MRTFA: variants seen among roughly 807,000 people sequenced by gnomAD.
MRTFA encodes the protein myocardin related transcription factor A, also known as myocardin-related transcription factor A.
MRTFA carries 20 observed loss-of-function variants against 83.5 expected under a neutral mutation model. The observed-to-expected ratio is 0.24, with a 90% confidence interval of 0.17 to 0.35. The LOEUF is 0.35. Among genes scored for constraint, MRTFA ranks in the 10% least tolerant of loss-of-function variants. MRTFA has a pLI of 1.00. For missense variants in MRTFA, 1,200 were observed against 1,224.7 expected (o/e 0.98, Z 0.30); for synonymous variants, 659 against 541.2 (o/e 1.22, Z -3.02).
intron 1 of MRTFA, among the ~76,000 whole-genome samples, chr22:40,629,170 G>A (rs559826516): frequency 2.6e-5 from 4 of 151,856 alleles, no homozygotes; most frequent in Non-Finnish European, 5.9e-5. Flanking sequence ...GAGGCTGGGC[G>A]CGGTGGCTCA....
chr22:40,582,663 C>CAT (rs1217189378), intron 2 of MRTFA, among the ~76,000 whole-genome samples: 2 of 142,464 alleles, frequency 1.4e-5, no homozygotes, highest in African/African-American at 5.5e-5. Flanking sequence ...TTTATACACA[C>CAT]ATACACACAC....
In MRTFA at chr22:40,410,921, G is replaced by GCAGA. The variant is rs1301236853; in HGVS notation, c.*465_*468dup. 1 of 233,216 alleles carries GCAGA rather than the reference G, an allele frequency of 4.3e-6. No homozygotes were observed. The highest frequency in any genetic ancestry group is 2.2e-5 in the African/African-American group (1 of 45,332). 14.4% of individuals were successfully genotyped at this position (233,216 alleles called of 1,614,324 possible). ...AGGGAGCCCTGGGATCCTGGGGTTG[G>GCAGA]CAGACACAGGGAATAGGGGGTAGAG... On this transcript the variant is annotated 3_prime_UTR_variant, in exon 15 of 15. Transcript: ENST00000355630.
In MRTFA at chr22:40,419,085, G is replaced by GA; in HGVS notation, c.1652_1653insT (p.Val553ArgfsTer16). 1.2e-6 allele frequency: 2 copies of GA among 1,604,012 alleles called. No individual in the cohort carries two copies. The highest frequency in any genetic ancestry group is 1.7e-4 in the Middle Eastern group (1 of 6,050). On this transcript the variant is annotated frameshift_variant, in exon 12 of 15. Transcript: ENST00000355630. LOFTEE classifies it high-confidence loss of function. ...GCTCCGAGGGGGTGGGAGACACGGG[G>GA]GGCGTGGAGCCCGTGCTGCCAAACT... is the stretch of plus-strand genomic sequence containing the variant.
At chr22:40,539,146 C>A (rs2055243796) in intron 3 of MRTFA, among the ~76,000 whole-genome samples, 1 of 150,576 alleles carries the variant, frequency 6.6e-6, no homozygotes, top group Non-Finnish European at 1.5e-5. Flanking sequence ...AGTCGCCCAC[C>A]ACCACACCTG....
intron 1 of MRTFA, among the ~76,000 whole-genome samples, chr22:40,604,030 A>G (rs1009875043): frequency 1.3e-5 from 2 of 152,040 alleles, no homozygotes; most frequent in Admixed American, 1.3e-4. Context: ...AAATTTTACT[A>G]ATGTCATGAT....
At chr22:40,619,386 G>A (rs1330259545) in intron 1 of MRTFA, among the ~76,000 whole-genome samples, 4 of 152,180 alleles carry the variant, frequency 2.6e-5, no homozygotes, top group South Asian at 2.1e-4. Context: ...TGAGGAACAC[G>A]TTATTGGAAA....
At chr22:40,457,436 G>GAAAGAAAGAAAGAA (rs774183094) in intron 4 of MRTFA, among the ~76,000 whole-genome samples, 11 of 119,884 alleles carry the variant, frequency 9.2e-5, no homozygotes, top group African/African-American at 3.2e-4. Context: ...AAGAAAGAAA[G>GAAAGAAAGAAAGAA]AGAAAGAAAG....
chr22:40,570,577 CAAAAA>C (rs894548892), intron 2 of MRTFA, among the ~76,000 whole-genome samples: 6 of 23,150 alleles, frequency 2.6e-4, no homozygotes, highest in Non-Finnish European at 3.7e-4. Context: ...GACTCTGTCT[CAAAAA>C]AAAAAAAAAA....
intron 3 of MRTFA, among the ~76,000 whole-genome samples, chr22:40,514,864 G>C (rs2054730617): frequency 6.6e-6 from 1 of 151,150 alleles, no homozygotes; most frequent in Non-Finnish European, 1.5e-5. Flanking sequence ...GAAGGACCTG[G>C]ACACAGAATG....
At chr22:40,608,612 G>A (rs1489977022) in intron 1 of MRTFA, among the ~76,000 whole-genome samples, 2 of 152,156 alleles carry the variant, frequency 1.3e-5, no homozygotes, top group African/African-American at 2.4e-5. Flanking sequence ...CCTCAGGTCT[G>A]TTTGATGCCA....
intron 2 of MRTFA, among the ~76,000 whole-genome samples, chr22:40,568,977 T>C (rs1290982634): frequency 6.6e-6 from 1 of 152,100 alleles, no homozygotes; most frequent in African/African-American, 2.4e-5. Context: ...ATACTAGTGA[T>C]CCATATTAAA....
At chr22:40,628,834 G>A (rs2056609281) in intron 1 of MRTFA, among the ~76,000 whole-genome samples, 1 of 152,102 alleles carries the variant, frequency 6.6e-6, no homozygotes, top group African/African-American at 2.4e-5. Context: ...TAAACAATGA[G>A]AGAACTGGAC....
chr22:40,462,880 C>G (rs1020716166), intron 4 of MRTFA, among the ~76,000 whole-genome samples: 28 of 152,188 alleles, frequency 1.8e-4, no homozygotes, highest in African/African-American at 6.8e-4. Context: ...CACAATACAC[C>G]AGGCTCAAGA....
intron 2 of MRTFA, among the ~76,000 whole-genome samples, chr22:40,558,294 T>C (rs1290531347): frequency 8.2e-6 from 1 of 121,650 alleles, no homozygotes; most frequent in Non-Finnish European, 1.7e-5. Context: ...TGGGGAGATA[T>C]GAGGTTTTTG....
intron 2 of MRTFA, among the ~76,000 whole-genome samples, chr22:40,582,945 A>G (rs113912219): frequency 1.6e-4 from 24 of 152,338 alleles, no homozygotes; most frequent in African/African-American, 5.5e-4. Flanking sequence ...CAGTGCCCTC[A>G]GGTACTGCAA....
At chr22:40,420,729 A>T in intron 10 of MRTFA, 118 bp downstream of exon 10, 1 of 1,548,748 alleles carries the variant, frequency 6.5e-7, no homozygotes, top group Non-Finnish European at 8.7e-7. Context: ...ACCACTCTGT[A>T]GCATCCAGAC....
chr22:40,443,216 C>T (rs1300993269), intron 4 of MRTFA, among the ~76,000 whole-genome samples: 1 of 152,004 alleles, frequency 6.6e-6, no homozygotes, highest in Non-Finnish European at 1.5e-5. Flanking sequence ...CATGCCACTG[C>T]ACTCTAGCCT....
chr22:40,423,516 A>C lies in MRTFA; in HGVS notation c.927+20T>G. 1 of 1,470,812 alleles carries C rather than the reference A, an allele frequency of 6.8e-7. No individual in the cohort carries two copies. Among genetic ancestry groups the C allele is most frequent in the Non-Finnish European group, 9.1e-7 (1 of 1,101,014 alleles). The allele number at this position is 1,470,812 out of a possible 1,614,324, so 91.1% of individuals were successfully genotyped here. A position where few individuals can be genotyped will look rare whatever the true frequency, so the allele number is the denominator to read the frequency against. On this transcript the variant is annotated intron_variant, in intron 9 of 14. Coordinates refer to ENST00000355630, the MANE Select transcript of MRTFA (RefSeq NM_020831.6). ...AAGGGCACAGGGAAGGGGAGGGTAC[A>C]ATCACTGGCAGAAATGTACCTTAAT...
intron 3 of MRTFA, among the ~76,000 whole-genome samples, chr22:40,472,507 A>G (rs369454329): frequency 7.9e-5 from 12 of 152,070 alleles, no homozygotes; most frequent in African/African-American, 2.9e-4. Context: ...GACAATAAAC[A>G]TGTTATTATT....
Sources: gnomAD v4.1 joint callset for allele counts (sites outside exome capture counted in the v4.1 genomes callset) on GRCh38, gnomAD v4.1.1 for gene constraint, MANE v1.5 for transcripts, NCBI Gene and HGNC (gene_info 2026-07-23, HGNC 2026-07-21) for gene names.